TUSC3: variants seen among roughly 807,000 people sequenced by gnomAD.
TUSC3 encodes the protein tumor suppressor candidate 3, also known as dolichyl-diphosphooligosaccharide--protein glycosyltransferase subunit TUSC3.
TUSC3 carries 45 observed loss-of-function variants against 44.8 expected under a neutral mutation model. The ratio of observed to expected loss-of-function variants is 1.00; its 90% confidence interval spans 0.79 to 1.29. The LOEUF is 1.29. Among genes scored for constraint, TUSC3 ranks in the 50% most tolerant of loss-of-function variants. The pLI is 0.00. For synonymous variants in TUSC3, 212 were observed against 152.9 expected, an observed-to-expected ratio of 1.39 and a Z score of -2.85; for missense variants, 519 against 437.9, an observed-to-expected ratio of 1.19 and a Z score of -1.65.
intron 2 of TUSC3, among the ~76,000 whole-genome samples, chr8:15,523,630 C>A (rs1234122946): frequency 8.2e-6 from 1 of 122,360 alleles, no homozygotes; most frequent in Non-Finnish European, 1.7e-5. Context: ...CTTAAAAATC[C>A]TTTAAAAACA....
At chr8:15,636,354 G>A (rs1162686947) in intron 2 of TUSC3, among the ~76,000 whole-genome samples, 1 of 152,132 alleles carries the variant, frequency 6.6e-6, no homozygotes, top group Non-Finnish European at 1.5e-5. Flanking sequence ...TTTTTTTAAT[G>A]TAAAACTGAT....
At chr8:15,584,387 T>C (rs1803508655) in intron 1 of TUSC3, among the ~76,000 whole-genome samples, 1 of 152,198 alleles carries the variant, frequency 6.6e-6, no homozygotes, top group East Asian at 1.9e-4. Flanking sequence ...TACAATTCTC[T>C]TATCTGTTTT....
chr8:15,604,927 T>C (rs1358305168), intron 1 of TUSC3, among the ~76,000 whole-genome samples: 2 of 151,892 alleles, frequency 1.3e-5, no homozygotes, highest in Non-Finnish European at 2.9e-5. Context: ...AATGGTTCAC[T>C]AAATTAGTTT....
At chr8:15,843,931 G>C in the TUSC3 span, among the ~76,000 whole-genome samples, 1 of 152,218 alleles carries the variant, frequency 6.6e-6, no homozygotes, top group African/African-American at 2.4e-5. Flanking sequence ...TGTAGCATTT[G>C]TGTTTGGAAA....
intron 6 of TUSC3, among the ~76,000 whole-genome samples, chr8:15,724,204 C>T (rs1256252795): frequency 6.6e-6 from 1 of 152,110 alleles, no homozygotes; most frequent in African/African-American, 2.4e-5. Context: ...TCACCAGACA[C>T]CAATCCCATT....
intron 6 of TUSC3, among the ~76,000 whole-genome samples, chr8:15,700,288 C>CT (rs1809340930): frequency 6.6e-6 from 1 of 152,158 alleles, no homozygotes; most frequent in South Asian, 2.1e-4. Flanking sequence ...GCTTTTCCCT[C>CT]TGTGTAGCTC....
intron 1 of TUSC3, 84 bp downstream of exon 1, chr8:15,540,652 T>C (rs986496063): frequency 1.4e-6 from 2 of 1,426,416 alleles, no homozygotes; most frequent in African/African-American, 1.5e-5. Context: ...GCCGTGTTGC[T>C]AGGCAGCCTG....
At chr8:15,433,442 G>A (rs894998267) in intron 1 of TUSC3, among the ~76,000 whole-genome samples, 1 of 152,058 alleles carries the variant, frequency 6.6e-6, no homozygotes, top group Non-Finnish European at 1.5e-5. Context: ...TTTGACAAAT[G>A]TATGTCATGG....
At chr8:15,547,752 A>T (rs971585917) in intron 1 of TUSC3, among the ~76,000 whole-genome samples, 4 of 151,284 alleles carry the variant, frequency 2.6e-5, no homozygotes, top group African/African-American at 9.7e-5. Context: ...GACCCCAGAG[A>T]GCTCTCTGGT....
chr8:15,718,471 A>G (rs544510204), intron 6 of TUSC3, among the ~76,000 whole-genome samples: 2 of 152,240 alleles, frequency 1.3e-5, no homozygotes, highest in East Asian at 3.9e-4. Context: ...TTCAAATGGG[A>G]TATCAAGTCA....
At chr8:15,602,025 G>A (rs541963138) in intron 1 of TUSC3, among the ~76,000 whole-genome samples, 1 of 151,456 alleles carries the variant, frequency 6.6e-6, no homozygotes, top group Non-Finnish European at 1.5e-5. Context: ...ATGTCTACCT[G>A]AAATCTGACC....
chr8:15,763,210 A>C (rs930323649), intron 10 of TUSC3, among the ~76,000 whole-genome samples: 2 of 151,914 alleles, frequency 1.3e-5, no homozygotes, highest in Admixed American at 1.3e-4. Context: ...GTATCACCAG[A>C]ATCCTAAAAT....
the TUSC3 span, among the ~76,000 whole-genome samples, chr8:15,832,148 T>C: frequency 6.6e-6 from 1 of 152,118 alleles, no homozygotes; most frequent in South Asian, 2.1e-4. Context: ...CTGAACATTC[T>C]TAAATAAAAG....
At chr8:15,481,604 AGCAG>A (rs1585060592) in intron 1 of TUSC3, among the ~76,000 whole-genome samples, 1 of 152,196 alleles carries the variant, frequency 6.6e-6, no homozygotes, top group Non-Finnish European at 1.5e-5. Context: ...ATCACAGTAA[AGCAG>A]GTCACATGAA....
At chr8:15,581,556 G>A in intron 1 of TUSC3, among the ~76,000 whole-genome samples, 1 of 148,646 alleles carries the variant, frequency 6.7e-6, no homozygotes, top group Non-Finnish European at 1.5e-5. Context: ...CTCAGCTGCA[G>A]GTCTGTTGGA....
At chr8:15,607,146 G>T (rs1804565795) in intron 1 of TUSC3, among the ~76,000 whole-genome samples, 1 of 152,020 alleles carries the variant, frequency 6.6e-6, no homozygotes, top group Admixed American at 6.6e-5. Context: ...AATGGTTGGG[G>T]GAGAGCGTCT....
intron 2 of TUSC3, among the ~76,000 whole-genome samples, chr8:15,486,704 A>C (rs912994382): frequency 2.2e-4 from 33 of 152,078 alleles, no homozygotes; most frequent in African/African-American, 7.7e-4. Context: ...CCGCCTCCCA[A>C]AGTGCTGGGA....
the TUSC3 span, chr8:15,807,052 G>A: frequency 7.1e-7 from 1 of 1,417,768 alleles, no homozygotes; most frequent in Non-Finnish European, 1.0e-6. Context: ...TCGGCGATGT[G>A]ATCTAACAAA....
At chr8:15,738,444 G>C (rs1440832872) in intron 7 of TUSC3, among the ~76,000 whole-genome samples, 1 of 152,112 alleles carries the variant, frequency 6.6e-6, no homozygotes, top group Admixed American at 6.5e-5. Flanking sequence ...CAACCTGCCT[G>C]CTATTTTTGT....
Sources: gnomAD v4.1 joint callset for allele counts (sites outside exome capture counted in the v4.1 genomes callset) on GRCh38, gnomAD v4.1.1 for gene constraint, MANE v1.5 for transcripts, NCBI Gene and HGNC (gene_info 2026-07-23, HGNC 2026-07-21) for gene names.